COL21A1: variants seen among roughly 807,000 people sequenced by gnomAD.
COL21A1 encodes collagen alpha-1(XXI) chain.
In COL21A1, 149 loss-of-function variants were observed where a neutral mutation model predicts 137.9. The observed-to-expected ratio is 1.08, with a 90% confidence interval of 0.95 to 1.24. The LOEUF is 1.24. COL21A1 is among the 50% of genes most tolerant of loss of function. COL21A1 has a pLI of 0.00. For missense variants in COL21A1, 1,167 were observed against 1,158.4 expected, an observed-to-expected ratio of 1.01 and a Z score of -0.11; for synonymous variants, 456 against 391.5, an observed-to-expected ratio of 1.16 and a Z score of -1.95.
intron 4 of COL21A1, 23 bp from the exon 5 acceptor site, chr6:56,170,888 A>G (rs1422793063): frequency 6.2e-7 from 1 of 1,601,182 alleles, no homozygotes; most frequent in East Asian, 2.2e-5. Context: ...GAGCAAGTGT[A>G]AGCTTAAAGA....
intron 1 of COL21A1, among the ~76,000 whole-genome samples, chr6:56,346,318 A>G (rs533745956): frequency 1.3e-5 from 2 of 152,194 alleles, no homozygotes; most frequent in East Asian, 1.9e-4. Context: ...CTATTCCTCA[A>G]ATTTATTTGG....
Position 56,344,796 on chromosome 6 carries a change from C to T in COL21A1, c.-39+49175G>A, listed in dbSNP as rs1426644319. Among the ~76,000 whole-genome samples the T allele has an allele frequency of 4.6e-5, 7 of 152,148 alleles. 1 individual carries two copies. The highest frequency in any genetic ancestry group is 1.4e-4 in the African/African-American group (6 of 41,510). Reference sequence around the variant, plus strand: ...TGTTTAAAAGTGTGTAGCACCTCCCCCTTCTCTTTCTTTTCCTCCTGCTTC... The same window carrying T: ...TGTTTAAAAGTGTGTAGCACCTCCCTCTTCTCTTTCTTTTCCTCCTGCTTC... On this transcript the variant is annotated intron_variant, in intron 1 of 28. Transcript: ENST00000370819.
intron 1 of COL21A1, among the ~76,000 whole-genome samples, chr6:56,241,209 C>G (rs769099385): frequency 1.3e-5 from 2 of 152,152 alleles, no homozygotes; most frequent in Non-Finnish European, 2.9e-5. Flanking sequence ...GACTGGTGCC[C>G]TCAGGACTGG....
chr6:56,357,309 A>C (rs2152347783), intron 1 of COL21A1, among the ~76,000 whole-genome samples: 1 of 152,302 alleles, frequency 6.6e-6, no homozygotes, highest in African/African-American at 2.4e-5. Context: ...CATCTCCAAA[A>C]TGGAAGTGTA....
At chr6:56,181,205 T>TA (rs1482119734) in intron 2 of COL21A1, among the ~76,000 whole-genome samples, 1 of 152,144 alleles carries the variant, frequency 6.6e-6, no homozygotes, top group African/African-American at 2.4e-5. Context: ...TCAGAAGGTG[T>TA]AAGGGACACA....
chr6:56,182,658 TA>T lies in COL21A1; in HGVS notation c.-38-3del. 2 of 1,363,876 alleles carry T rather than the reference TA, an allele frequency of 1.5e-6. No homozygotes were observed. Among genetic ancestry groups the T allele is most frequent in the Non-Finnish European group, 2.0e-6 (2 of 977,598 alleles). The allele number at this position is 1,363,876 out of a possible 1,614,324, so 84.5% of individuals were successfully genotyped here. ...TCTAATATTTTGGTTTTAGGATTCC[TA>T]GGGGGAAAAAAAAGGCAAGTTAAAT... On this transcript the variant is annotated splice_polypyrimidine_tract_variant and splice_region_variant and intron_variant, in intron 1 of 29. Transcript: ENST00000244728.
chr6:56,151,257 G>GTA (rs894605972), intron 10 of COL21A1, among the ~76,000 whole-genome samples: 46 of 152,086 alleles, frequency 3.0e-4, no homozygotes, highest in African/African-American at 1.1e-3. Context: ...CAAAAAAAGA[G>GTA]TAACTAATGA....
intron 1 of COL21A1, among the ~76,000 whole-genome samples, chr6:56,204,372 G>C (rs114422834): frequency 0.022 from 3,308 of 152,188 alleles, 120 homozygotes; most frequent in African/African-American, 0.075. Flanking sequence ...TTCAAACTGG[G>C]AGGAGCCCAC....
intron 1 of COL21A1, among the ~76,000 whole-genome samples, chr6:56,258,292 G>C (rs1018870094): frequency 6.6e-6 from 1 of 151,788 alleles, no homozygotes; most frequent in African/African-American, 2.4e-5. Flanking sequence ...TTAGACTTTA[G>C]CCCCAAAGTC....
Position 56,241,102 on chromosome 6 carries a change from A to T in COL21A1, c.-39+6285T>A, listed in dbSNP as rs758677428. Among the ~76,000 whole-genome samples, 24 of 152,142 alleles carry T rather than the reference A, an allele frequency of 1.6e-4. 1 individual carries two copies. The highest frequency in any genetic ancestry group is 1.6e-3 in the Admixed American group (24 of 15,268). On this transcript the variant is annotated intron_variant, in intron 1 of 29. Coordinates refer to ENST00000244728, the MANE Select transcript of COL21A1 (RefSeq NM_030820.4). ...TAAAACAATTATCATGTTGCTATGA[A>T]CTGAAAGCTGCCCTCCCAAAAATCA...
intron 1 of COL21A1, among the ~76,000 whole-genome samples, chr6:56,314,013 T>C (rs376756848): frequency 6.6e-5 from 10 of 152,298 alleles, no homozygotes; most frequent in African/African-American, 2.4e-4. Flanking sequence ...AGAGACATAG[T>C]ATCACTCTGT....
At chr6:56,329,873 C>T (rs1407326102) in intron 1 of COL21A1, among the ~76,000 whole-genome samples, 1 of 152,122 alleles carries the variant, frequency 6.6e-6, no homozygotes, top group Non-Finnish European at 1.5e-5. Flanking sequence ...CAGACACATA[C>T]AGAATGCAGT....
chr6:56,280,288 GA>G (rs1763760566), intron 1 of COL21A1, among the ~76,000 whole-genome samples: 1 of 152,244 alleles, frequency 6.6e-6, no homozygotes, highest in East Asian at 1.9e-4. Flanking sequence ...GAACTATCAA[GA>G]AATAAGTTTG....
chr6:56,144,423 G>A (rs1047292488), intron 10 of COL21A1, among the ~76,000 whole-genome samples: 2 of 152,084 alleles, frequency 1.3e-5, no homozygotes, highest in African/African-American at 4.8e-5. Flanking sequence ...CAGAGGAAAG[G>A]AATGTTCATA....
intron 1 of COL21A1, among the ~76,000 whole-genome samples, chr6:56,351,860 A>G (rs75348494): frequency 6.6e-6 from 1 of 152,388 alleles, no homozygotes; most frequent in South Asian, 2.1e-4. Flanking sequence ...ATAGAGTCTT[A>G]CAACATGATA....
intron 1 of COL21A1, among the ~76,000 whole-genome samples, chr6:56,204,908 GA>G (rs1779662727): frequency 6.6e-6 from 1 of 152,144 alleles, no homozygotes; most frequent in Non-Finnish European, 1.5e-5. Flanking sequence ...CTGTTAGAAG[GA>G]AAACTAACAA....
Position 56,276,215 on chromosome 6 carries a change from G to A in COL21A1, c.-38-93559C>T, listed in dbSNP as rs1763645006. On this transcript the variant is annotated intron_variant, in intron 1 of 28. Coordinates refer to the COL21A1 transcript ENST00000370819. Reference sequence around the variant, plus strand: ...GGACAATAGACACTGTGGATTACCAGAGGGGAGAAGGAGGAACATGAGTAC... The same window carrying A: ...GGACAATAGACACTGTGGATTACCAAAGGGGAGAAGGAGGAACATGAGTAC... Among the ~76,000 whole-genome samples, 3 of 152,148 alleles carry A rather than the reference G, an allele frequency of 2.0e-5. No homozygotes were observed. The South Asian group carries it at 6.2e-4, about 32-fold the overall frequency.
chr6:56,076,901 A>C (rs1022398516), intron 18 of COL21A1, among the ~76,000 whole-genome samples: 1 of 151,496 alleles, frequency 6.6e-6, no homozygotes, highest in African/African-American at 2.4e-5. Flanking sequence ...AAGATGAATA[A>C]AGAGATATCC....
At chr6:56,292,537 C>T (rs1764073069) in intron 1 of COL21A1, among the ~76,000 whole-genome samples, 1 of 152,068 alleles carries the variant, frequency 6.6e-6, no homozygotes, top group South Asian at 2.1e-4. Flanking sequence ...CAGAGAAAGC[C>T]CTGTTAGCCA....
Sources: allele counts gnomAD v4.1 joint callset (sites outside exome capture counted in the v4.1 genomes callset), GRCh38; gene constraint gnomAD v4.1.1; transcripts MANE v1.5; gene names NCBI Gene and HGNC (gene_info 2026-07-23, HGNC 2026-07-21).